The following ARHGAP44 variants were observed in gnomAD, a reference collection of about 807,000 sequenced individuals.
ARHGAP44 encodes the protein rho GTPase-activating protein 44.
In ARHGAP44, 43 loss-of-function variants were observed where a neutral mutation model predicts 106.8. That is an observed-to-expected ratio of 0.40 (90% CI 0.32 to 0.52). The LOEUF (loss-of-function observed/expected upper bound fraction) is 0.52, where lower values mean the gene tolerates loss of function less well. Among genes scored for constraint, ARHGAP44 ranks in the 20% least tolerant of loss-of-function variants. The pLI, the probability that ARHGAP44 is intolerant of heterozygous loss-of-function variation, is 0.48. For missense variants in ARHGAP44, 866 were observed against 1,050.5 expected, an observed-to-expected ratio of 0.82 and a Z score of 2.43; for synonymous variants, 439 against 410.3, an observed-to-expected ratio of 1.07 and a Z score of -0.85.
intron 3 of ARHGAP44, among the ~76,000 whole-genome samples, chr17:12,903,948 C>A (rs942590569): frequency 6.6e-6 from 1 of 152,150 alleles, no homozygotes; most frequent in Non-Finnish European, 1.5e-5. Flanking sequence ...GTCCCTTCAC[C>A]TTAGAGAATC....
intron 1 of ARHGAP44, among the ~76,000 whole-genome samples, chr17:12,791,365 G>A (rs2033750904): frequency 6.6e-6 from 1 of 152,120 alleles, no homozygotes; most frequent in African/African-American, 2.4e-5. Flanking sequence ...GGTATTCGTT[G>A]TTTAGCAGAT....
Position 12,919,740 on chromosome 17 carries a change from G to A in ARHGAP44, c.388-15G>A. The stretch of plus-strand genomic sequence containing the variant: ...GCTTCAGTTTAATTGTATCTTTTAT[G>A]TTGTGTAACCACAGGTGGAAATCCC... On this transcript the variant is annotated splice_polypyrimidine_tract_variant and intron_variant, in intron 5 of 20. Coordinates refer to ENST00000379672, the MANE Select transcript of ARHGAP44 (RefSeq NM_014859.6). 6.2e-7 allele frequency: 1 copy of A among 1,604,618 alleles called. No homozygotes were observed.
Position 12,809,233 on chromosome 17 carries a change from C to T in ARHGAP44, c.53+19342C>T, listed in dbSNP as rs546367707. On this transcript the variant is annotated intron_variant, in intron 1 of 20. Transcript: ENST00000379672. ...CCTCTTCTGAGTCCTCCAGACTGTT[C>T]CAGTTCTGCCTGTTACCCAGTTCCA... Among the ~76,000 whole-genome samples the T allele has an allele frequency of 1.4e-3, 209 of 152,340 alleles. 1 individual carries two copies. Among genetic ancestry groups the T allele is most frequent in the African/African-American group, 4.8e-3 (198 of 41,582 alleles).
rs369323886 is a variant in ARHGAP44, at chr17:12,984,681, G to A, written c.2090G>A (p.Gly697Glu). The A allele has an allele frequency of 6.2e-7, 1 of 1,613,288 alleles. No individual in the cohort carries two copies. The highest frequency in any genetic ancestry group is 1.3e-5 in the African/African-American group (1 of 74,904). ...CCCTATGGACTGAGCTACCCTCAGG[G>A]GTACTCCTTGGCCTCGGGCCAGCTC... ...PSPYGLSYPQ[G>E]YSLASGQLSP... Residue 697 changes from glycine (G) to glutamate (E), a missense_variant, in exon 20 of 21, where the codon GGG (glycine) becomes GAG (glutamate). Physicochemically the swap from Gly to Glu is moderately conservative, Grantham distance 98 (BLOSUM62 -2). This residue lies in a region of ARHGAP44 where 418 missense variants were observed against 403.6 expected (regional missense o/e 1.04). Coordinates refer to ENST00000379672, the MANE Select transcript of ARHGAP44 (RefSeq NM_014859.6).
intron 7 of ARHGAP44, among the ~76,000 whole-genome samples, chr17:12,940,580 G>A (rs1437989019): frequency 6.6e-6 from 1 of 152,112 alleles, no homozygotes; most frequent in Non-Finnish European, 1.5e-5. Context: ...CCTCCAAATT[G>A]GTGCATTTCC....
At chr17:12,840,731 T>C (rs187109839) in intron 1 of ARHGAP44, among the ~76,000 whole-genome samples, 1 of 152,132 alleles carries the variant, frequency 6.6e-6, no homozygotes, top group Non-Finnish European at 1.5e-5. Flanking sequence ...AGGTGCCCCA[T>C]GTAAAGAGCG....
intron 1 of ARHGAP44, among the ~76,000 whole-genome samples, chr17:12,866,642 T>C (rs1408933310): frequency 1.3e-5 from 2 of 152,176 alleles, no homozygotes; most frequent in Non-Finnish European, 2.9e-5. Flanking sequence ...AGAGAGAAAC[T>C]CAGTGATGAG....
chr17:12,843,651 C>CTTTTTTTTT (rs146749216), intron 1 of ARHGAP44, among the ~76,000 whole-genome samples: 1 of 97,124 alleles, frequency 1.0e-5, no homozygotes, highest in African/African-American at 4.9e-5. Context: ...GTATTGGTTA[C>CTTTTTTTTT]TTTTTTTTTT....
At position 12,901,611 on chromosome 17, in the gene ARHGAP44, G is replaced by A. The variant is rs551514749; in HGVS notation, c.198+5100G>A. ...AGTGGATGTGGGCGTATGAAGAAGA[G>A]AGAGAGGTCTCATGGTCTCAACCCC... On this transcript the variant is annotated intron_variant, in intron 3 of 20. Transcript: ENST00000379672. Among the ~76,000 whole-genome samples, 37 of 152,192 alleles carry A rather than the reference G, an allele frequency of 2.4e-4. No individual in the cohort carries two copies. In the East Asian group the frequency reaches 5.6e-3, roughly 23 times the overall value.
rs2038946353 is a variant in ARHGAP44, at chr17:12,949,675, T to C, written c.1000T>C (p.Leu334=). ...AGALKSYLRE[L]PEPLMTFELY... ...AGCTTTGAAATCTTACCTCCGAGAG[T>C]TGCCAGAACCTCTTATGACCTTTGA... Residue 334 remains leucine (L), a synonymous_variant, in exon 12 of 21, where the codon TTG becomes CTG. Transcript: ENST00000379672. The surrounding 1 kb of genome is among the most constrained non-coding windows in gnomAD (Gnocchi z 4.1). The C allele has an allele frequency of 6.2e-7, 1 of 1,613,532 alleles. No individual in the cohort carries two copies. Among genetic ancestry groups the C allele is most frequent in the South Asian group, 1.1e-5 (1 of 91,036 alleles).
intron 16 of ARHGAP44, among the ~76,000 whole-genome samples, chr17:12,968,820 A>T (rs1168428529): frequency 7.0e-6 from 1 of 142,810 alleles, no homozygotes; most frequent in Non-Finnish European, 1.5e-5. Flanking sequence ...CCCAGGTTGG[A>T]GTGCAGTGGC....
intron 16 of ARHGAP44, among the ~76,000 whole-genome samples, chr17:12,970,393 AAGAAG>A (rs2039501490): frequency 6.7e-6 from 1 of 150,070 alleles, no homozygotes; most frequent in Non-Finnish European, 1.5e-5. Flanking sequence ...AAAAAAGAAA[AAGAAG>A]AGAAGAGAAA....
intron 1 of ARHGAP44, among the ~76,000 whole-genome samples, chr17:12,868,060 T>C (rs2036285763): frequency 6.6e-6 from 1 of 152,232 alleles, no homozygotes; most frequent in Admixed American, 6.5e-5. Context: ...CTGTTTGGGC[T>C]GCAATTGCAA....
intron 1 of ARHGAP44, among the ~76,000 whole-genome samples, chr17:12,865,035 G>T (rs1247916549): frequency 1.3e-5 from 2 of 151,938 alleles, no homozygotes; most frequent in African/African-American, 4.8e-5. Context: ...GAGAGAAGAA[G>T]AATAATAGTT....
intron 18 of ARHGAP44, among the ~76,000 whole-genome samples, 194 bp from the exon 19 acceptor site, chr17:12,979,864 G>A (rs1256041326): frequency 6.6e-6 from 1 of 152,170 alleles, no homozygotes; most frequent in Admixed American, 6.5e-5. Context: ...CAGAACCCAG[G>A]CCATCAGAGC....
chr17:12,813,963 G>A (rs1224676436), intron 1 of ARHGAP44, among the ~76,000 whole-genome samples: 2 of 152,078 alleles, frequency 1.3e-5, no homozygotes, highest in African/African-American at 2.4e-5. Flanking sequence ...GTTATATTTC[G>A]AGATTTCATC....
chr17:12,877,467 A>T (rs550410777), intron 1 of ARHGAP44, among the ~76,000 whole-genome samples: 1 of 152,364 alleles, frequency 6.6e-6, no homozygotes, highest in South Asian at 2.1e-4. Flanking sequence ...ATGCTTAGTT[A>T]TTTAAAGAAA....
intron 1 of ARHGAP44, among the ~76,000 whole-genome samples, chr17:12,892,592 T>A (rs765195077): frequency 6.6e-6 from 1 of 152,106 alleles, no homozygotes; most frequent in African/African-American, 2.4e-5. Flanking sequence ...ATTTTTTCCC[T>A]TCTTCTTCTG....
At chr17:12,888,899 A>G (rs2036960512) in intron 1 of ARHGAP44, among the ~76,000 whole-genome samples, 1 of 152,132 alleles carries the variant, frequency 6.6e-6, no homozygotes, top group Non-Finnish European at 1.5e-5. Flanking sequence ...ACATTAATAT[A>G]GATACTTCTG....
Sources: allele counts gnomAD v4.1 joint callset (sites outside exome capture counted in the v4.1 genomes callset), GRCh38; gene constraint gnomAD v4.1.1; regional missense constraint gnomAD v4.1.1; non-coding constraint Gnocchi (gnomAD v3.1); transcripts MANE v1.5; gene names NCBI Gene and HGNC (gene_info 2026-07-23, HGNC 2026-07-21).